Variants in SLC23A2 observed in about 807,000 individuals in gnomAD.
SLC23A2 encodes Na(+)/L-ascorbic acid transporter 2.
Under a neutral mutation model 73.3 loss-of-function variants are expected in SLC23A2, and 36 were observed. The observed-to-expected ratio is 0.49, with a 90% CI of 0.38 to 0.65. The LOEUF (loss-of-function observed/expected upper bound fraction) is 0.65. SLC23A2 is among the 30% of genes least tolerant of loss of function. The pLI is 0.00. For missense variants in SLC23A2, 507 were observed against 841.6 expected (o/e 0.60, Z 4.92); for synonymous variants, 343 against 327.3 (o/e 1.05, Z -0.52).
At chr20:4,943,590 GC>G (rs1180577004) in intron 2 of SLC23A2, among the ~76,000 whole-genome samples, 1 of 151,256 alleles carries the variant, frequency 6.6e-6, no homozygotes, top group Non-Finnish European at 1.5e-5. Context: ...TGGGAGGATG[GC>G]TTGAGTCCAG....
chr20:4,929,834 T>A (rs1238395857), intron 3 of SLC23A2, among the ~76,000 whole-genome samples: 1 of 152,050 alleles, frequency 6.6e-6, no homozygotes, highest in Non-Finnish European at 1.5e-5. Context: ...ACCCAAATCA[T>A]TAGAGAAAGC....
rs544717461 is a variant in SLC23A2 at position 4,867,872 on chromosome 20, T to C, written c.1254A>G (p.Gly418=). The C allele has an allele frequency of 8.9e-6, 14 of 1,572,438 alleles. No homozygotes were observed. In the East Asian group the frequency reaches 1.6e-4, roughly 18 times the overall value. ...CACAGGAGAGGCCTTCCACGAAAATTCCCCTAAGATGTAAAGGAATGGAGG... is the reference window on the plus strand; with the variant it reads ...CACAGGAGAGGCCTTCCACGAAAATCCCCCTAAGATGTAAAGGAATGGAGG... ...PPPPIHAINR[G]IFVEGLSCVL... is the part of the protein sequence containing the mutation. The change falls in exon 13 of 17, where the codon GGA becomes GGG. Residue 418 remains glycine, a synonymous_variant. Transcript: ENST00000338244.
intron 6 of SLC23A2, among the ~76,000 whole-genome samples, chr20:4,898,422 G>T (rs955796038): frequency 6.6e-6 from 1 of 152,202 alleles, no homozygotes; most frequent in African/African-American, 2.4e-5. Flanking sequence ...CTGAGGTCCC[G>T]AAGGATTCTG....
At chr20:4,870,317 G>C (rs762620611) in intron 11 of SLC23A2, among the ~76,000 whole-genome samples, 1 of 152,156 alleles carries the variant, frequency 6.6e-6, no homozygotes, top group East Asian at 1.9e-4. Flanking sequence ...GGTGGCTCAC[G>C]CCTGTAATCC....
At chr20:4,909,805 C>T (rs1165319814) in intron 4 of SLC23A2, among the ~76,000 whole-genome samples, 2 of 152,144 alleles carry the variant, frequency 1.3e-5, no homozygotes, top group East Asian at 3.9e-4. Flanking sequence ...AATCCACCCA[C>T]CTTGGCCTCC....
At chr20:4,961,660 G>A (rs2087392599) in intron 2 of SLC23A2, among the ~76,000 whole-genome samples, 1 of 152,140 alleles carries the variant, frequency 6.6e-6, no homozygotes, top group African/African-American at 2.4e-5. Context: ...GATAAGGACA[G>A]GCCACTGAAC....
chr20:5,007,427 A>G (rs2088203092), intron 1 of SLC23A2, among the ~76,000 whole-genome samples: 1 of 152,124 alleles, frequency 6.6e-6, no homozygotes, highest in Admixed American at 6.6e-5. Flanking sequence ...GCTACTTGGG[A>G]GGCTGAGGCA....
chr20:4,891,483 T>A (rs984253201), intron 6 of SLC23A2, among the ~76,000 whole-genome samples: 8 of 152,084 alleles, frequency 5.3e-5, no homozygotes, highest in African/African-American at 1.9e-4. Flanking sequence ...AGGGGCTGGA[T>A]CAAATGCCCT....
chr20:4,937,232 G>C (rs1002063578), intron 2 of SLC23A2, among the ~76,000 whole-genome samples: 1 of 152,096 alleles, frequency 6.6e-6, no homozygotes, highest in Non-Finnish European at 1.5e-5. Flanking sequence ...GGGGAGAGGT[G>C]AGGGAAGAGT....
intron 12 of SLC23A2, among the ~76,000 whole-genome samples, chr20:4,869,375 T>C (rs1930340633): frequency 6.7e-6 from 1 of 149,684 alleles, no homozygotes; most frequent in African/African-American, 2.5e-5. Context: ...GAAGAGCTTG[T>C]TTTGCTGGGA....
intron 1 of SLC23A2, among the ~76,000 whole-genome samples, chr20:4,978,265 A>G (rs1281872166): frequency 6.6e-6 from 1 of 152,168 alleles, no homozygotes; most frequent in African/African-American, 2.4e-5. Context: ...AAATGGTTCT[A>G]TTTTTCCCTT....
chr20:4,972,566 G>GT (rs869282038), intron 1 of SLC23A2, among the ~76,000 whole-genome samples: 1 of 122,194 alleles, frequency 8.2e-6, no homozygotes, highest in African/African-American at 2.9e-5. Context: ...TTTTTGGGGG[G>GT]TTTTTTGGGG....
intron 11 of SLC23A2, among the ~76,000 whole-genome samples, chr20:4,871,313 C>G (rs1291215282): frequency 1.3e-5 from 2 of 152,126 alleles, no homozygotes; most frequent in Admixed American, 6.5e-5. Flanking sequence ...TCACAAGAAG[C>G]ACCAGTGAGG....
intron 1 of SLC23A2, among the ~76,000 whole-genome samples, chr20:4,986,649 T>TACATACAC (rs371305536): frequency 7.7e-6 from 1 of 129,814 alleles, no homozygotes; most frequent in Non-Finnish European, 1.6e-5. Context: ...CATACACACA[T>TACATACAC]ACACACACAC....
intron 13 of SLC23A2, among the ~76,000 whole-genome samples, chr20:4,864,112 C>T (rs1028285844): frequency 6.6e-6 from 1 of 152,226 alleles, no homozygotes; most frequent in African/African-American, 2.4e-5. Flanking sequence ...TGCAGGAAAA[C>T]ACCCTAAGGA....
At chr20:4,940,211 C>T (rs2087018633) in intron 2 of SLC23A2, among the ~76,000 whole-genome samples, 1 of 151,990 alleles carries the variant, frequency 6.6e-6, no homozygotes, top group African/African-American at 2.4e-5. Flanking sequence ...CTCAGCAACT[C>T]GGGAGGCTGA....
chr20:4,932,375 A>G, intron 3 of SLC23A2, 80 bp downstream of exon 3: 2 of 855,136 alleles, frequency 2.3e-6, no homozygotes, highest in East Asian at 2.4e-5. Flanking sequence ...AAACATGAGC[A>G]TTAAAGCCAA....
At chr20:5,000,077 GATGA>G (rs1438370000) in intron 1 of SLC23A2, among the ~76,000 whole-genome samples, 1 of 152,080 alleles carries the variant, frequency 6.6e-6, no homozygotes, top group Non-Finnish European at 1.5e-5. Context: ...TTAAATTGGG[GATGA>G]ATGAAAAGAG....
At chr20:4,860,594 C>T (rs559800308) in intron 15 of SLC23A2, among the ~76,000 whole-genome samples, 63 of 152,230 alleles carry the variant, frequency 4.1e-4, no homozygotes, top group African/African-American at 1.5e-3. Context: ...GGCAACTCTA[C>T]GAAACATAAC....
Sources: allele counts gnomAD v4.1 joint callset (sites outside exome capture counted in the v4.1 genomes callset), GRCh38; gene constraint gnomAD v4.1.1; transcripts MANE v1.5; gene names NCBI Gene and HGNC (gene_info 2026-07-23, HGNC 2026-07-21).